The following SIPA1L1 variants were observed in gnomAD, a reference collection of about 807,000 sequenced individuals.
The protein encoded by SIPA1L1 is signal induced proliferation associated 1 like 1, also known as signal-induced proliferation-associated 1-like protein 1.
A neutral mutation model predicts 162.7 loss-of-function variants in SIPA1L1; 26 were observed. The ratio of observed to expected loss-of-function variants is 0.16; its 90% CI spans 0.12 to 0.22. The LOEUF is 0.22. SIPA1L1 is among the 10% of genes least tolerant of loss of function. SIPA1L1 has a pLI of 1.00. For missense variants in SIPA1L1, 1,874 were observed against 2,241.0 expected, an observed-to-expected ratio of 0.84 and a Z score of 3.31; for synonymous variants, 829 against 837.4, an observed-to-expected ratio of 0.99 and a Z score of 0.17.
At chr14:71,730,879 A>G (rs965943664) in intron 20 of SIPA1L1, among the ~76,000 whole-genome samples, 1 of 152,194 alleles carries the variant, frequency 6.6e-6, no homozygotes, top group Non-Finnish European at 1.5e-5. Flanking sequence ...TGACCCAACT[A>G]GATCCCAGTT....
chr14:71,710,637 G>A (rs965135279), intron 17 of SIPA1L1, among the ~76,000 whole-genome samples: 23 of 151,900 alleles, frequency 1.5e-4, no homozygotes, highest in Admixed American at 1.1e-3. Flanking sequence ...GTGAAACCCC[G>A]TCTCTACTAA....
intron 12 of SIPA1L1, among the ~76,000 whole-genome samples, chr14:71,676,546 T>A (rs2045211706): frequency 6.6e-6 from 1 of 150,652 alleles, no homozygotes; most frequent in Admixed American, 6.6e-5. Context: ...TACATATGTA[T>A]ACATGTGCCA....
intron 2 of SIPA1L1, among the ~76,000 whole-genome samples, chr14:71,445,136 A>C (rs1007377783): frequency 1.3e-5 from 2 of 152,270 alleles, no homozygotes; most frequent in African/African-American, 4.8e-5. Context: ...TAATTGCTTC[A>C]TTGACAGTTT....
At chr14:71,645,958 G>T (rs918530194) in intron 7 of SIPA1L1, among the ~76,000 whole-genome samples, 1 of 152,160 alleles carries the variant, frequency 6.6e-6, no homozygotes, top group East Asian at 1.9e-4. Context: ...TCATAAGAAT[G>T]TAAGAATTGA....
intron 8 of SIPA1L1, among the ~76,000 whole-genome samples, chr14:71,653,567 T>A (rs144595805): frequency 1.4e-3 from 209 of 152,310 alleles, no homozygotes; most frequent in Non-Finnish European, 2.5e-3. Flanking sequence ...CAAGTACCTC[T>A]AGGTAGAAAG....
intron 2 of SIPA1L1, among the ~76,000 whole-genome samples, chr14:71,446,813 A>G (rs1220508319): frequency 6.7e-6 from 1 of 150,070 alleles, no homozygotes; most frequent in African/African-American, 2.5e-5. Context: ...CCTTTTCTTC[A>G]TCTCTCCTTG....
intron 2 of SIPA1L1, among the ~76,000 whole-genome samples, chr14:71,404,125 G>GT (rs1257879845): frequency 6.6e-5 from 10 of 152,126 alleles, no homozygotes; most frequent in African/African-American, 2.4e-4. Context: ...ACTCAGGGGT[G>GT]TAACTATAGT....
chr14:71,732,409 C>T (rs2084879872), intron 20 of SIPA1L1, among the ~76,000 whole-genome samples: 1 of 152,048 alleles, frequency 6.6e-6, no homozygotes, highest in African/African-American at 2.4e-5. Flanking sequence ...TGGCTTCCAC[C>T]CAGCTTCTGC....
intron 2 of SIPA1L1, among the ~76,000 whole-genome samples, chr14:71,359,477 A>T (rs2037590698): frequency 1.3e-5 from 2 of 152,192 alleles, no homozygotes; most frequent in Admixed American, 1.3e-4. Context: ...ATGGTGTGTC[A>T]TCTTCTTCAG....
chr14:71,542,913 CTT>C (rs958465752), intron 4 of SIPA1L1, among the ~76,000 whole-genome samples: 13 of 152,034 alleles, frequency 8.6e-5, no homozygotes, highest in African/African-American at 3.1e-4. Context: ...CTATTCTTAA[CTT>C]TGTATGTTTC....
intron 16 of SIPA1L1, among the ~76,000 whole-genome samples, chr14:71,707,130 C>T (rs911130499): frequency 5.9e-5 from 9 of 151,718 alleles, no homozygotes; most frequent in Non-Finnish European, 1.3e-4. Context: ...GACACACACA[C>T]GCACGCACAC....
intron 2 of SIPA1L1, among the ~76,000 whole-genome samples, chr14:71,452,694 A>G (rs2045918369): frequency 6.6e-6 from 1 of 152,176 alleles, no homozygotes; most frequent in Non-Finnish European, 1.5e-5. Flanking sequence ...CTTCATCAGC[A>G]CATTGTATTT....
Position 71,699,090 on chromosome 14 carries a change from G to A in SIPA1L1, c.3484G>A (p.Val1162Met), listed in dbSNP as rs557390212. The change falls in exon 14 of 24, where the codon GTG (valine) becomes ATG (methionine). Residue 1162 changes from valine to methionine, a missense_variant. Transcript: ENST00000381232. ...GTCTTCATCCAGTGATACTGGTTCT[G>A]TGGGGGGCACTTACAGGCAGAAGTC... Reference protein sequence around the residue: ...NLSSSSDTGSVGGTYRQKSMP... With the variant: ...NLSSSSDTGSMGGTYRQKSMP... 1,456 of 1,614,154 alleles carry A rather than the reference G, an allele frequency of 9.0e-4. 27 individuals carry two copies. In the South Asian group the frequency reaches 0.015, roughly 17 times the overall value.
At chr14:71,698,879 AGTCACTGTTTTT>A in intron 13 of SIPA1L1, 90 bp from the exon 14 acceptor site, 1 of 1,265,568 alleles carries the variant, frequency 7.9e-7, no homozygotes, top group East Asian at 2.3e-5. Flanking sequence ...ATCTCCATGA[AGTCACTGTTTTT>A]GTCACATTTA....
chr14:71,568,195 C>T (rs1418817478), intron 4 of SIPA1L1, among the ~76,000 whole-genome samples: 1 of 152,168 alleles, frequency 6.6e-6, no homozygotes, highest in Non-Finnish European at 1.5e-5. Context: ...TCATTTTACC[C>T]AGCCTCTATA....
At chr14:71,389,632 T>C (rs992968164) in intron 2 of SIPA1L1, among the ~76,000 whole-genome samples, 1 of 152,218 alleles carries the variant, frequency 6.6e-6, no homozygotes, top group Non-Finnish European at 1.5e-5. Flanking sequence ...ATGTTTCATA[T>C]TTAGGAATAT....
At chr14:71,394,910 T>A (rs1305000581) in intron 2 of SIPA1L1, among the ~76,000 whole-genome samples, 2 of 152,224 alleles carry the variant, frequency 1.3e-5, no homozygotes, top group African/African-American at 4.8e-5. Context: ...GTTAAAAAAA[T>A]TATTTTCATC....
At chr14:71,615,503 G>T (rs2038732811) in intron 5 of SIPA1L1, among the ~76,000 whole-genome samples, 1 of 152,200 alleles carries the variant, frequency 6.6e-6, no homozygotes, top group African/African-American at 2.4e-5. Flanking sequence ...ATCAGTGGCA[G>T]TCGGATGAGA....
At chr14:71,548,659 G>T (rs1336217567) in intron 4 of SIPA1L1, among the ~76,000 whole-genome samples, 1 of 152,106 alleles carries the variant, frequency 6.6e-6, no homozygotes, top group East Asian at 1.9e-4. Flanking sequence ...CACTTTGGGA[G>T]GCCGAGGTGA....
Sources: gnomAD v4.1 joint callset for allele counts (sites outside exome capture counted in the v4.1 genomes callset) on GRCh38, gnomAD v4.1.1 for gene constraint, MANE v1.5 for transcripts, NCBI Gene and HGNC (gene_info 2026-07-23, HGNC 2026-07-21) for gene names.